Variants in MED13L observed in about 807,000 individuals in gnomAD.
The protein encoded by MED13L is mediator of RNA polymerase II transcription subunit 13-like.
A neutral mutation model predicts 220.9 loss-of-function variants in MED13L; 7 were observed. That is an observed-to-expected ratio of 0.03 (90% CI 0.02 to 0.06). The LOEUF (loss-of-function observed/expected upper bound fraction) is 0.06, where lower values mean the gene tolerates loss of function less well. MED13L is among the 10% of genes least tolerant of loss of function. The pLI is 1.00. For synonymous variants in MED13L, 1,011 were observed against 1,015.2 expected, an observed-to-expected ratio of 1.00 and a Z score of 0.08; for missense variants, 1,965 against 2,760.5, an observed-to-expected ratio of 0.71 and a Z score of 6.46.
At chr12:116,135,342 AG>A (rs1351781034) in intron 2 of MED13L, among the ~76,000 whole-genome samples, 1 of 152,178 alleles carries the variant, frequency 6.6e-6, no homozygotes, top group Non-Finnish European at 1.5e-5. Context: ...TTACATGGAA[AG>A]GCTACTTGTA....
In MED13L at chr12:115,987,101, G is replaced by T. The variant is rs370491568; in HGVS notation, c.4114+8C>A. 4 of 1,613,942 alleles carry T rather than the reference G, an allele frequency of 2.5e-6. No individual in the cohort carries two copies. In the Admixed American group the frequency reaches 6.7e-5, roughly 27 times the overall value. On this transcript the variant is annotated splice_region_variant and intron_variant, in intron 18 of 30. Coordinates refer to ENST00000281928, the MANE Select transcript of MED13L (RefSeq NM_015335.5). ...CAGAAGGAATTTTAAACAGGACAAA[G>T]ACCCTACCGTAGGTTCCCCGTCCTG...
Position 116,006,372 on chromosome 12 carries a change from C to G in MED13L, c.2278G>C (p.Gly760Arg). 1 of 1,614,020 alleles carries G rather than the reference C, an allele frequency of 6.2e-7. No homozygotes were observed. The highest frequency in any genetic ancestry group is 1.1e-5 in the South Asian group (1 of 91,078). The change falls in exon 12 of 31, where the codon GGT (glycine) becomes CGT (arginine). Residue 760 changes from glycine (G) to arginine (R), a missense_variant. Coordinates refer to ENST00000281928, the MANE Select transcript of MED13L (RefSeq NM_015335.5). ...CCATCAGGCACCGGCGTGGAATGAC[C>G]TGGTGTAGTGACATCCTTGGTACCA... ...GFGTKDVTTPGHSTPVPDGKN... is the reference protein window; with the variant it reads ...GFGTKDVTTPRHSTPVPDGKN...
intron 29 of MED13L, 72 bp from the exon 30 acceptor site, chr12:115,963,591 C>G: frequency 8.7e-7 from 1 of 1,150,288 alleles, no homozygotes; most frequent in Admixed American, 1.9e-5. Context: ...GAGGCCATGT[C>G]TGCCAGAAGC....
intron 2 of MED13L, among the ~76,000 whole-genome samples, chr12:116,140,747 C>T (rs191402938): frequency 6.6e-6 from 1 of 152,312 alleles, no homozygotes; most frequent in East Asian, 1.9e-4. Flanking sequence ...GATTCAGCAT[C>T]GACTTACAAA....
At chr12:116,104,684 A>G (rs1440031215) in intron 3 of MED13L, among the ~76,000 whole-genome samples, 1 of 152,272 alleles carries the variant, frequency 6.6e-6, no homozygotes, top group East Asian at 1.9e-4. Context: ...GCATAAAACA[A>G]CTTCAAAAGA....
At position 116,259,122 on chromosome 12, in the gene MED13L, G is replaced by A. The variant is rs566763361; in HGVS notation, c.72+17938C>T. 3.3e-5 allele frequency among the ~76,000 whole-genome samples: 5 copies of A among 152,224 alleles called. No individual in the cohort carries two copies. In the South Asian group the frequency reaches 1.0e-3, roughly 32 times the overall value. ...TGAAAGAATCTTAACGTTTCTCATA[G>A]TTGATGGTTAAACAAACAATAGTAC... On this transcript the variant is annotated intron_variant, in intron 1 of 30. Coordinates refer to ENST00000281928, the MANE Select transcript of MED13L (RefSeq NM_015335.5).
At chr12:116,145,715 T>C (rs889905621) in intron 2 of MED13L, among the ~76,000 whole-genome samples, 3 of 141,248 alleles carry the variant, frequency 2.1e-5, no homozygotes, top group African/African-American at 8.1e-5. Flanking sequence ...TAAATTTTTG[T>C]AGAGTCTTGC....
intron 2 of MED13L, among the ~76,000 whole-genome samples, chr12:116,231,035 T>C (rs941524928): frequency 6.6e-6 from 1 of 152,238 alleles, no homozygotes; most frequent in African/African-American, 2.4e-5. Flanking sequence ...ATCTTCAATA[T>C]TTTATTCTCT....
intron 2 of MED13L, among the ~76,000 whole-genome samples, chr12:116,209,817 G>A (rs559137661): frequency 6.6e-6 from 1 of 152,278 alleles, no homozygotes; most frequent in African/African-American, 2.4e-5. Context: ...AAGCCCAGAA[G>A]ACTTCCAAGT....
At chr12:116,106,999 T>C (rs1873644396) in intron 3 of MED13L, among the ~76,000 whole-genome samples, 1 of 152,156 alleles carries the variant, frequency 6.6e-6, no homozygotes, top group South Asian at 2.1e-4. Context: ...GTTAACCACT[T>C]ATTGAGCTCT....
At chr12:116,105,873 A>G (rs952302933) in intron 3 of MED13L, among the ~76,000 whole-genome samples, 32 of 152,174 alleles carry the variant, frequency 2.1e-4, no homozygotes, top group African/African-American at 7.7e-4. Context: ...CTTGTTATGC[A>G]TTAGATTTTA....
intron 3 of MED13L, among the ~76,000 whole-genome samples, chr12:116,107,776 A>G (rs1160615903): frequency 6.6e-6 from 1 of 152,242 alleles, no homozygotes; most frequent in East Asian, 1.9e-4. Context: ...CAAGTGATAA[A>G]GTCCTTGATG....
In MED13L at chr12:116,258,499, G is replaced by T. The variant is rs189677051; in HGVS notation, c.72+18561C>A. On this transcript the variant is annotated intron_variant, in intron 1 of 30. Coordinates refer to ENST00000281928, the MANE Select transcript of MED13L (RefSeq NM_015335.5). ...TATTATAAAAAGAAAAAGAACGGCC[G>T]GACACGGTAGCTCACACCTGTAATC... 4.6e-5 allele frequency among the ~76,000 whole-genome samples: 7 copies of T among 152,182 alleles called. No homozygotes were observed. In the East Asian group the frequency reaches 1.4e-3, roughly 29 times the overall value.
rs181818931 is a variant in MED13L, at chr12:116,205,883, T to C, written c.310+31585A>G. On this transcript the variant is annotated intron_variant, in intron 2 of 30. Coordinates refer to ENST00000281928, the MANE Select transcript of MED13L (RefSeq NM_015335.5). ...AACTTCTTCATTAAAATATATTTAA[T>C]ATAAATACAGCAGTTTCTGCTGTGA... 2.8e-3 allele frequency among the ~76,000 whole-genome samples: 416 copies of C among 150,904 alleles called. 2 individuals carry two copies. Among genetic ancestry groups the C allele is most frequent in the Non-Finnish European group, 4.3e-3 (293 of 67,854 alleles).
At chr12:116,229,284 G>A (rs1869310832) in intron 2 of MED13L, among the ~76,000 whole-genome samples, 1 of 152,082 alleles carries the variant, frequency 6.6e-6, no homozygotes. Flanking sequence ...CTAGTGTTAA[G>A]ACAATTTTCA....
At chr12:116,058,588 A>G (rs1869164270) in intron 4 of MED13L, among the ~76,000 whole-genome samples, 1 of 152,170 alleles carries the variant, frequency 6.6e-6, no homozygotes, top group African/African-American at 2.4e-5. Context: ...CATTTATATG[A>G]CCTCCCACAA....
intron 2 of MED13L, among the ~76,000 whole-genome samples, chr12:116,153,252 G>T (rs1878190983): frequency 6.6e-6 from 1 of 152,196 alleles, no homozygotes; most frequent in African/African-American, 2.4e-5. Context: ...CTTACTGAGG[G>T]GAGGGGAGTG....
intron 2 of MED13L, among the ~76,000 whole-genome samples, chr12:116,187,439 C>T (rs1306233968): frequency 6.6e-6 from 1 of 152,180 alleles, no homozygotes; most frequent in African/African-American, 2.4e-5. Flanking sequence ...CTATCATTGT[C>T]ATTTCTTCCA....
intron 2 of MED13L, among the ~76,000 whole-genome samples, chr12:116,135,207 A>T (rs1876431473): frequency 6.6e-6 from 1 of 152,118 alleles, no homozygotes; most frequent in South Asian, 2.1e-4. Context: ...GACAACACAT[A>T]ATCTCTATGG....
Sources: gnomAD v4.1 joint callset for allele counts (sites outside exome capture counted in the v4.1 genomes callset) on GRCh38, gnomAD v4.1.1 for gene constraint, MANE v1.5 for transcripts, NCBI Gene and HGNC (gene_info 2026-07-23, HGNC 2026-07-21) for gene names.